The following POLR1C variants were observed in gnomAD, a reference collection of about 807,000 sequenced individuals.
POLR1C encodes RNA polymerase I and III subunit C.
POLR1C carries 42 observed loss-of-function variants against 38.3 expected under a neutral mutation model. The observed-to-expected ratio is 1.10, with a 90% confidence interval of 0.86 to 1.42. The LOEUF (loss-of-function observed/expected upper bound fraction) is 1.42. Among genes scored for constraint, POLR1C ranks in the 40% most tolerant of loss-of-function variants. The probability of loss-of-function intolerance (pLI) is 0.00; values close to 1 mark genes in which losing one functional copy is unlikely to be tolerated. For missense variants in POLR1C, 507 were observed against 450.5 expected, an observed-to-expected ratio of 1.13 and a Z score of -1.14; for synonymous variants, 163 against 163.9, an observed-to-expected ratio of 0.99 and a Z score of 0.04.
At position 43,562,179 on chromosome 6, in the gene POLR1C, A is replaced by C. The variant is rs950638600; in HGVS notation, c.*828A>C. 1.1e-5 allele frequency: 15 copies of C among 1,325,474 alleles called. No individual in the cohort carries two copies. The African/African-American group carries it at 2.0e-4, about 18-fold the overall frequency. 82.1% of individuals were successfully genotyped at this position (1,325,474 alleles called of 1,614,324 possible). A position where few individuals can be genotyped will look rare whatever the true frequency, so the allele number is the denominator to read the frequency against. On this transcript the variant is annotated 3_prime_UTR_variant, in exon 11 of 11. Coordinates refer to the POLR1C transcript ENST00000607635. ...CAATGACATTTGCAACCCCTCATTG[A>C]AACATAAGTTTCTAAATGCTCTTCC...
chr6:43,526,592 C>T lies in POLR1C; in HGVS notation c.923-2657C>T, dbSNP rs1208257652. The T allele has an allele frequency of 1.5e-5, 22 of 1,435,178 alleles. No individual in the cohort carries two copies. In the Admixed American group the frequency reaches 4.0e-4, roughly 26 times the overall value. 88.9% of individuals were successfully genotyped at this position (1,435,178 alleles called of 1,614,324 possible). ...GATAACTACATGTAGGGTGTCTTCT[C>T]CTCACCAGACTGCAAGGAAACTGAC... is the stretch of plus-strand genomic sequence containing the variant. On this transcript the variant is annotated intron_variant, in intron 8 of 8. Coordinates refer to the POLR1C transcript ENST00000304004.
intron 10 of POLR1C, among the ~76,000 whole-genome samples, chr6:43,557,193 G>A (rs1035600630): frequency 2.1e-4 from 31 of 150,426 alleles, no homozygotes; most frequent in African/African-American, 5.9e-4. Context: ...TTGGGAAGCC[G>A]AGGCGGGTGG....
At chr6:43,542,709 A>G (rs1228970947) in intron 9 of POLR1C, among the ~76,000 whole-genome samples, 1 of 152,210 alleles carries the variant, frequency 6.6e-6, no homozygotes, top group Non-Finnish European at 1.5e-5. Context: ...TACAGGCGTG[A>G]GCCACTGTGC....
In POLR1C at chr6:43,527,246, T is replaced by G. The variant is rs2127701358; in HGVS notation, c.923-2003T>G. 2 of 200,368 alleles carry G rather than the reference T, an allele frequency of 1.0e-5. 1 individual carries two copies. The highest frequency in any genetic ancestry group is 2.1e-5 in the Non-Finnish European group (2 of 96,748). 12.4% of individuals were successfully genotyped at this position (200,368 alleles called of 1,614,324 possible). A position where few individuals can be genotyped will look rare whatever the true frequency, so the allele number is the denominator to read the frequency against. On this transcript the variant is annotated intron_variant, in intron 8 of 8. Transcript: ENST00000304004. ...ACTGCCTTGCTTCTATCTAGTTATT[T>G]CTTTTGGATCTGTCAGTGTTGCTAC...
chr6:43,546,002 C>T (rs951150275), intron 9 of POLR1C, among the ~76,000 whole-genome samples: 2 of 151,990 alleles, frequency 1.3e-5, no homozygotes, highest in African/African-American at 4.8e-5. Flanking sequence ...CTTGATTCTG[C>T]CTTTGAAATA....
intron 9 of POLR1C, among the ~76,000 whole-genome samples, chr6:43,536,758 T>TAAA (rs1156884252): frequency 0.011 from 208 of 19,068 alleles, 14 homozygotes; most frequent in African/African-American, 0.02. Context: ...AGACTCTATC[T>TAAA]AAAAAAAAAA....
chr6:43,551,927 A>G (rs767458903), intron 10 of POLR1C, among the ~76,000 whole-genome samples: 7 of 152,050 alleles, frequency 4.6e-5, no homozygotes, highest in Non-Finnish European at 7.4e-5. Flanking sequence ...TTGGCCTCCC[A>G]AAGTGTTGGG....
intron 9 of POLR1C, chr6:43,548,600 T>C: frequency 1.5e-6 from 1 of 684,422 alleles, no homozygotes; most frequent in Non-Finnish European, 2.2e-6. Flanking sequence ...GGTAATTCTG[T>C]TATATGTCTT....
At chr6:43,527,371 A>C in intron 8 of POLR1C, 1 of 295,488 alleles carries the variant, frequency 3.4e-6, no homozygotes, top group Non-Finnish European at 6.4e-6. Flanking sequence ...TCCCGGGTTC[A>C]AGCGATTCTC....
intron 10 of POLR1C, among the ~76,000 whole-genome samples, chr6:43,558,093 C>T (rs956794295): frequency 2.1e-5 from 3 of 145,042 alleles, no homozygotes; most frequent in African/African-American, 8.2e-5. Context: ...GAAACTCCAT[C>T]TCAAAAAAAA....
intron 9 of POLR1C, chr6:43,549,922 C>T (rs1795146437): frequency 6.2e-7 from 1 of 1,612,070 alleles, no homozygotes; most frequent in Admixed American, 1.7e-5. Flanking sequence ...TCAAAAGTGA[C>T]AGATGAAAAT....
downstream of POLR1C, chr6:43,531,674 G>T: frequency 9.9e-7 from 1 of 1,012,038 alleles, no homozygotes; most frequent in Non-Finnish European, 1.6e-6. Flanking sequence ...GGGTGAAGAT[G>T]TGTGCATGTC....
chr6:43,517,556 A>C (rs1416922633), intron 2 of POLR1C, among the ~76,000 whole-genome samples, 179 bp downstream of exon 2: 1 of 152,110 alleles, frequency 6.6e-6, no homozygotes, highest in Non-Finnish European at 1.5e-5. Flanking sequence ...CAGTTCTGCA[A>C]AGATGTTCAG....
chr6:43,551,521 T>C, intron 10 of POLR1C: 2 of 1,572,678 alleles, frequency 1.3e-6, no homozygotes, highest in Non-Finnish European at 1.7e-6. Context: ...TTTGGCTACA[T>C]TTTATTTTCA....
intron 9 of POLR1C, among the ~76,000 whole-genome samples, chr6:43,535,241 C>G (rs1284282817): frequency 6.6e-6 from 1 of 151,578 alleles, no homozygotes; most frequent in East Asian, 1.9e-4. Context: ...GCCTGGGCAA[C>G]AGAGCGAGAC....
chr6:43,538,158 TTTTTTTTTTGAAACAGAGA>T (rs1369610525), intron 9 of POLR1C, among the ~76,000 whole-genome samples: 1 of 138,050 alleles, frequency 7.2e-6, no homozygotes, highest in Non-Finnish European at 1.6e-5. Context: ...TTTTTTTTTT[TTTTTTTTTTGAAACAGAGA>T]TTTGCTCTGT....
Position 43,517,129 on chromosome 6 carries a change from T to G in POLR1C, c.20T>G (p.Val7Gly), listed in dbSNP as rs965467030. 3 of 1,613,680 alleles carry G rather than the reference T, an allele frequency of 1.9e-6. No homozygotes were observed. Among genetic ancestry groups the G allele is most frequent in the African/African-American group, 2.7e-5 (2 of 74,762 alleles). The change falls in exon 1 of 9, where the codon GTG becomes GGG. Residue 7 changes from valine to glycine, a missense_variant. Physicochemically the swap from Val to Gly is moderately radical, Grantham distance 109. Transcript: ENST00000642195. Reference protein sequence around the residue: MAASQAVEEMRSRVVLG... With the variant: MAASQAGEEMRSRVVLG... ...TTGAAGATGGCGGCTTCTCAGGCGG[T>G]GGAGGAAATGCGGAGCCGCGTGGTT... is the stretch of plus-strand genomic sequence containing the variant.
chr6:43,561,013 G>A, intron 10 of POLR1C: 1 of 1,610,028 alleles, frequency 6.2e-7, no homozygotes, highest in African/African-American at 1.3e-5. Context: ...GCACCCTGTA[G>A]GAGAAGACCA....
intron 9 of POLR1C, among the ~76,000 whole-genome samples, chr6:43,537,512 G>A (rs541998635): frequency 2.0e-5 from 3 of 152,282 alleles, no homozygotes; most frequent in South Asian, 4.1e-4. Flanking sequence ...GCATTGAAGC[G>A]CAATAGCAGC....
Sources: allele counts gnomAD v4.1 joint callset (sites outside exome capture counted in the v4.1 genomes callset), GRCh38; gene constraint gnomAD v4.1.1; transcripts MANE v1.5; gene names NCBI Gene and HGNC (gene_info 2026-07-23, HGNC 2026-07-21).